OCIAD2: variants seen among roughly 807,000 people sequenced by gnomAD.
OCIAD2 encodes the protein OCIA domain-containing protein 2.
A neutral mutation model predicts 22.9 loss-of-function variants in OCIAD2; 29 were observed. That is an observed-to-expected ratio of 1.27 (90% confidence interval 0.94 to 1.73). The LOEUF (loss-of-function observed/expected upper bound fraction) is 1.73, where lower values mean the gene tolerates loss of function less well. OCIAD2 is among the 40% of genes most tolerant of loss of function. The probability of loss-of-function intolerance (pLI) is 0.00; values close to 1 mark genes in which losing one functional copy is unlikely to be tolerated. For missense variants in OCIAD2, 189 were observed against 180.3 expected, an observed-to-expected ratio of 1.05 and a Z score of -0.28; for synonymous variants, 67 against 60.2, an observed-to-expected ratio of 1.11 and a Z score of -0.52.
chr4:48,901,241 CTG>C (rs1217300308), intron 2 of OCIAD2, among the ~76,000 whole-genome samples: 1 of 152,020 alleles, frequency 6.6e-6, no homozygotes, highest in Non-Finnish European at 1.5e-5. Flanking sequence ...TGCTGCATAA[CTG>C]TGCACAATGT....
chr4:48,885,794 A>G (rs564213977), intron 6 of OCIAD2, among the ~76,000 whole-genome samples: 35 of 152,142 alleles, frequency 2.3e-4, no homozygotes, highest in Non-Finnish European at 4.1e-4. Flanking sequence ...CTTTAACACA[A>G]TATTAGAAAT....
chr4:48,893,168 C>T (rs1469169619), intron 5 of OCIAD2: 9 of 209,544 alleles, frequency 4.3e-5, no homozygotes, highest in Middle Eastern at 1.6e-3. Flanking sequence ...GTCAAGCAAA[C>T]GGTTGAGGCC....
intron 4 of OCIAD2, among the ~76,000 whole-genome samples, 183 bp from the exon 5 acceptor site, chr4:48,894,236 T>C (rs1781251668): frequency 6.6e-6 from 1 of 152,148 alleles, no homozygotes; most frequent in South Asian, 2.1e-4. Context: ...CTTACGCCTG[T>C]AATCCAGCAC....
chr4:48,900,283 G>A (rs1347113586), intron 2 of OCIAD2, among the ~76,000 whole-genome samples: 8 of 152,062 alleles, frequency 5.3e-5, no homozygotes, highest in Admixed American at 6.6e-5. Flanking sequence ...CACTCCCTTC[G>A]CCTGACTGGC....
At chr4:48,888,460 T>G (rs538963054) in intron 6 of OCIAD2, among the ~76,000 whole-genome samples, 1 of 152,208 alleles carries the variant, frequency 6.6e-6, no homozygotes, top group Admixed American at 6.5e-5. Flanking sequence ...CAGTATGATA[T>G]TGGCTGTGGG....
At chr4:48,893,565 G>T (rs1483511504) in intron 5 of OCIAD2, 1 of 152,644 alleles carries the variant, frequency 6.6e-6, no homozygotes, top group Non-Finnish European at 1.5e-5. Context: ...GGCAAAAGAA[G>T]AAAATAAAAA....
chr4:48,889,298 T>G (rs1300159218), intron 6 of OCIAD2, among the ~76,000 whole-genome samples: 1 of 152,190 alleles, frequency 6.6e-6, no homozygotes, highest in Non-Finnish European at 1.5e-5. Context: ...AGTTCCTGGA[T>G]TCATTGATTT....
Position 48,897,797 on chromosome 4 carries a change from A to C in OCIAD2, c.217+7T>G, listed in dbSNP as rs1781333493. ...AATTAGATTATTTAACAAATATTGA[A>C]TCTTACCTTGGTAGACTAGTCCCTG... On this transcript the variant is annotated splice_region_variant and intron_variant, in intron 4 of 6. Transcript: ENST00000508632. 1 of 1,604,726 alleles carries C rather than the reference A, an allele frequency of 6.2e-7. No individual in the cohort carries two copies. The highest frequency in any genetic ancestry group is 1.3e-5 in the African/African-American group (1 of 74,812).
At chr4:48,901,786 A>C (rs1241211918) in intron 2 of OCIAD2, among the ~76,000 whole-genome samples, 1 of 152,152 alleles carries the variant, frequency 6.6e-6, no homozygotes, top group East Asian at 1.9e-4. Flanking sequence ...TCTGTCACCC[A>C]GGCTGGAGTA....
At chr4:48,901,108 A>G in intron 2 of OCIAD2, among the ~76,000 whole-genome samples, 1 of 152,048 alleles carries the variant, frequency 6.6e-6, no homozygotes, top group East Asian at 1.9e-4. Context: ...TTTTGGGTGA[A>G]TGTATCTTTT....
chr4:48,885,653 A>G, intron 6 of OCIAD2, 88 bp from the exon 7 acceptor site: 1 of 750,896 alleles, frequency 1.3e-6, no homozygotes, highest in Non-Finnish European at 2.3e-6. Flanking sequence ...TATTATTTTA[A>G]CATAATCTTT....
chr4:48,902,383 C>T (rs1781435324), intron 2 of OCIAD2, among the ~76,000 whole-genome samples: 1 of 152,206 alleles, frequency 6.6e-6, no homozygotes, highest in South Asian at 2.1e-4. Flanking sequence ...TGGAGAAACC[C>T]TCTGGCACCA....
In OCIAD2 at chr4:48,894,053, C is replaced by A; in HGVS notation, c.218G>T (p.Gly73Val). ...AAATCTAGAATTAGCTGCCAAATAACCTAAGGAGTAATAAAGAAAAACATT... is the reference window on the plus strand; with the variant it reads ...AAATCTAGAATTAGCTGCCAAATAAACTAAGGAGTAATAAAGAAAAACATT... ...MLVTQGLVYQ[G>V]YLAANSRFGS... Residue 73 changes from glycine to valine, a missense_variant and splice_region_variant, in exon 5 of 7, where the codon GGT becomes GTT. Gly to Val is a moderately radical substitution (Grantham distance 109). Transcript: ENST00000508632. 3 of 1,440,782 alleles carry A rather than the reference C, an allele frequency of 2.1e-6. No individual in the cohort carries two copies. Among genetic ancestry groups the A allele is most frequent in the Non-Finnish European group, 1.9e-6 (2 of 1,071,464 alleles). The allele number at this position is 1,440,782 out of a possible 1,614,324, so 89.2% of individuals were successfully genotyped here. A position where few individuals can be genotyped will look rare whatever the true frequency, so the allele number is the denominator to read the frequency against.
At chr4:48,889,317 G>GT (rs1781094387) in intron 6 of OCIAD2, among the ~76,000 whole-genome samples, 2 of 151,886 alleles carry the variant, frequency 1.3e-5, no homozygotes, top group South Asian at 2.1e-4. Context: ...TTTTTGAAGG[G>GT]TTTTTTATGT....
At chr4:48,901,950 G>C (rs1184527813) in intron 2 of OCIAD2, among the ~76,000 whole-genome samples, 1 of 151,916 alleles carries the variant, frequency 6.6e-6, no homozygotes, top group East Asian at 1.9e-4. Context: ...GGGAGGCGTG[G>C]GGGGGGCGTT....
At chr4:48,898,149 A>G (rs935313241) in intron 3 of OCIAD2, among the ~76,000 whole-genome samples, 8 of 152,194 alleles carry the variant, frequency 5.3e-5, no homozygotes, top group African/African-American at 1.4e-4. Flanking sequence ...TAAGCACTAC[A>G]TATAATAAAG....
intron 2 of OCIAD2, among the ~76,000 whole-genome samples, chr4:48,903,327 G>A (rs1168441703): frequency 6.6e-6 from 1 of 152,168 alleles, no homozygotes; most frequent in Non-Finnish European, 1.5e-5. Context: ...CATAGGATTA[G>A]TGTGATTACT....
intron 6 of OCIAD2, among the ~76,000 whole-genome samples, chr4:48,887,188 GT>G (rs1235262170): frequency 1.3e-5 from 2 of 152,058 alleles, no homozygotes; most frequent in Non-Finnish European, 2.9e-5. Flanking sequence ...TGATGGGGTT[GT>G]TTTTTTCTTG....
chr4:48,890,476 A>G (rs1781137620), intron 6 of OCIAD2, among the ~76,000 whole-genome samples: 1 of 152,130 alleles, frequency 6.6e-6, no homozygotes, highest in Non-Finnish European at 1.5e-5. Flanking sequence ...AAACTATATG[A>G]CTATGGAGTT....
Sources: allele counts gnomAD v4.1 joint callset (sites outside exome capture counted in the v4.1 genomes callset), GRCh38; gene constraint gnomAD v4.1.1; transcripts MANE v1.5; gene names NCBI Gene and HGNC (gene_info 2026-07-23, HGNC 2026-07-21).